Variants in SLC6A7 observed in about 807,000 individuals in gnomAD.
The protein encoded by SLC6A7 is sodium-dependent proline transporter.
In SLC6A7, 58 loss-of-function variants were observed where a neutral mutation model predicts 73.1. That is an observed-to-expected ratio of 0.79 (90% CI 0.64 to 0.99). SLC6A7 has a LOEUF of 0.99. SLC6A7 is among the 50% of genes least tolerant of loss of function. SLC6A7 has a pLI of 0.00. For missense variants in SLC6A7, 783 were observed against 831.4 expected, an observed-to-expected ratio of 0.94 and a Z score of 0.72; for synonymous variants, 338 against 338.7, an observed-to-expected ratio of 1.00 and a Z score of 0.02.
In SLC6A7 at chr5:150,196,702, C is replaced by G; in HGVS notation, c.218-14C>G. On this transcript the variant is annotated splice_polypyrimidine_tract_variant and intron_variant, in intron 2 of 13. Transcript: ENST00000230671. ...TGCCCCCAAGGCCCTTGCTGACCACCCCGCTCCCGGCAGGCGCCTTCCTCG... is the reference window on the plus strand; with the variant it reads ...TGCCCCCAAGGCCCTTGCTGACCACGCCGCTCCCGGCAGGCGCCTTCCTCG... The G allele has an allele frequency of 1.2e-6, 2 of 1,610,558 alleles. No individual in the cohort carries two copies. The highest frequency in any genetic ancestry group is 1.7e-6 in the Non-Finnish European group (2 of 1,178,118).
intron 4 of SLC6A7, among the ~76,000 whole-genome samples, chr5:150,198,117 G>GAAAGAAAGAA (rs1753166896): frequency 4.7e-4 from 27 of 57,562 alleles, no homozygotes; most frequent in African/African-American, 8.2e-4. Context: ...GAAAGAAAGA[G>GAAAGAAAGAA]AAAGAAAGAA....
rs1753896153 is a variant in SLC6A7, at chr5:150,210,008, C to T, written c.*393C>T. 2.0e-5 allele frequency: 5 copies of T among 247,482 alleles called. No homozygotes were observed. The highest frequency in any genetic ancestry group is 9.7e-5 in the Admixed American group (2 of 20,558). The allele number at this position is 247,482 out of a possible 1,614,324, so 15.3% of individuals were successfully genotyped here. A position where few individuals can be genotyped will look rare whatever the true frequency, so the allele number is the denominator to read the frequency against. ...ACCACCTTCTCATCTCTATTCAGGG[C>T]CTACACCCCTCCCTTTTTGGGGGGA... On this transcript the variant is annotated 3_prime_UTR_variant, in exon 14 of 14. Coordinates refer to ENST00000230671, the MANE Select transcript of SLC6A7 (RefSeq NM_014228.5).
intron 1 of SLC6A7, among the ~76,000 whole-genome samples, chr5:150,190,608 A>G (rs1752734775): frequency 1.3e-5 from 2 of 152,268 alleles, no homozygotes; most frequent in South Asian, 4.2e-4. Flanking sequence ...AGGCCTATGA[A>G]CAGGTGTCTG....
At chr5:150,198,224 C>A (rs1318272469) in intron 4 of SLC6A7, among the ~76,000 whole-genome samples, 1 of 152,192 alleles carries the variant, frequency 6.6e-6, no homozygotes, top group Non-Finnish European at 1.5e-5. Flanking sequence ...AGTCCTGATC[C>A]TGTTCTGGAA....
intron 12 of SLC6A7, among the ~76,000 whole-genome samples, 170 bp downstream of exon 12, chr5:150,205,097 T>A (rs1345959688): frequency 6.6e-6 from 1 of 152,242 alleles, no homozygotes; most frequent in Admixed American, 6.5e-5. Context: ...CTTCTGTAGC[T>A]GTGCTGGGCC....
In SLC6A7 at chr5:150,204,074, GGACAAGGGCAGACGCCTGCAACGA is replaced by G. The variant is rs147978225; in HGVS notation, c.1332+39_1332+62del. The stretch of plus-strand genomic sequence containing the variant: ...CTACAGGGAGGATGGCAGGTGGGCG[GGACAAGGGCAGACGCCTGCAACGA>G]GATCTCTGGCCCAGCTGAGCAGTTG... On this transcript the variant is annotated intron_variant, in intron 10 of 13. Coordinates refer to ENST00000230671, the MANE Select transcript of SLC6A7 (RefSeq NM_014228.5). 2,290 of 1,598,644 alleles carry G rather than the reference GGACAAGGGCAGACGCCTGCAACGA, an allele frequency of 1.4e-3. 32 individuals carry two copies. The African/African-American group carries it at 0.028, about 19-fold the overall frequency.
At position 150,204,057 on chromosome 5, in the gene SLC6A7, A is replaced by C; in HGVS notation, c.1332+19A>C. On this transcript the variant is annotated intron_variant, in intron 10 of 13. Transcript: ENST00000230671. ...CACTGATGTGAGTGGCGCTACAGGGAGGATGGCAGGTGGGCGGGACAAGGG... is the reference window on the plus strand; with the variant it reads ...CACTGATGTGAGTGGCGCTACAGGGCGGATGGCAGGTGGGCGGGACAAGGG... 6.2e-7 allele frequency: 1 copy of C among 1,609,072 alleles called. No homozygotes were observed. The highest frequency in any genetic ancestry group is 8.5e-7 in the Non-Finnish European group (1 of 1,177,500).
In SLC6A7 at chr5:150,190,103, A is replaced by T. The variant is rs982754940; in HGVS notation, c.-225A>T. 8.9e-6 allele frequency: 4 copies of T among 448,114 alleles called. No individual in the cohort carries two copies. Among genetic ancestry groups the T allele is most frequent in the Non-Finnish European group, 1.6e-5 (4 of 257,266 alleles). 27.8% of individuals were successfully genotyped at this position (448,114 alleles called of 1,614,324 possible). ...GGTGTCTATGCGGGCGCAGCAGTGC[A>T]CCCTTCCCCAGCCTCGGGCGCTGCG... On this transcript the variant is annotated 5_prime_UTR_variant, in exon 1 of 14. Transcript: ENST00000230671.
At chr5:150,203,525 C>G in intron 8 of SLC6A7, 142 bp from the exon 9 acceptor site, 2 of 592,962 alleles carry the variant, frequency 3.4e-6, no homozygotes, top group East Asian at 2.8e-5. Flanking sequence ...AAGGAAGTAT[C>G]AGAGGGTGCA....
chr5:150,201,335 G>A (rs890179543), intron 6 of SLC6A7, 112 bp downstream of exon 6: 15 of 589,332 alleles, frequency 2.5e-5, no homozygotes, highest in African/African-American at 1.4e-4. Context: ...CCCTTCTTGC[G>A]TCTTTTTTAT....
At position 150,204,852 on chromosome 5, in the gene SLC6A7, C is replaced by T. The variant is rs1219703311; in HGVS notation, c.1458C>T (p.Ile486=). The T allele has an allele frequency of 6.2e-7, 1 of 1,613,048 alleles. No individual in the cohort carries two copies. The highest frequency in any genetic ancestry group is 8.5e-7 in the Non-Finnish European group (1 of 1,179,196). Residue 486 remains isoleucine (I), a synonymous_variant, in exon 12 of 14, where the codon ATC becomes ATT. Transcript: ENST00000230671. ...VYGIQRFCRD[I]HMMLGFKPGL... The stretch of plus-strand genomic sequence containing the variant: ...GCATTCAGAGGTTCTGCCGAGACAT[C>T]CACATGATGCTGGGCTTCAAGCCGG...
intron 5 of SLC6A7, among the ~76,000 whole-genome samples, chr5:150,200,143 G>A (rs2113978067): frequency 6.6e-6 from 1 of 152,278 alleles, no homozygotes; most frequent in Middle Eastern, 3.4e-3. Context: ...GGAAGACAAA[G>A]CCACGGATGT....
In SLC6A7 at chr5:150,209,775, C is replaced by G; in HGVS notation, c.*160C>G. 1.6e-6 allele frequency: 1 copy of G among 643,962 alleles called. No homozygotes were observed. The highest frequency in any genetic ancestry group is 2.6e-5 in the Admixed American group (1 of 38,798). 39.9% of individuals were successfully genotyped at this position (643,962 alleles called of 1,614,324 possible). ...GTGGGGGTCCCTTCTGCAGCCTCTG[C>G]CTCTCCTGAAACCTCTGACAACCCC... is the stretch of plus-strand genomic sequence containing the variant. On this transcript the variant is annotated 3_prime_UTR_variant, in exon 14 of 14. Coordinates refer to ENST00000230671, the MANE Select transcript of SLC6A7 (RefSeq NM_014228.5).
rs1280401372 is a variant in SLC6A7 at position 150,196,718 on chromosome 5, G to A, written c.220G>A (p.Ala74Thr). The A allele has an allele frequency of 5.6e-6, 9 of 1,612,872 alleles. No homozygotes were observed. Among genetic ancestry groups the A allele is most frequent in the South Asian group, 2.2e-5 (2 of 90,886 alleles). The change falls in exon 3 of 14, where the codon GCC (alanine) becomes ACC (threonine). Residue 74 changes from alanine to threonine, a missense_variant and splice_region_variant. Coordinates refer to ENST00000230671, the MANE Select transcript of SLC6A7 (RefSeq NM_014228.5). ...GCTGACCACCCCGCTCCCGGCAGGC[G>A]CCTTCCTCGTGCCCTACTTCCTCAT... ...PYRAYTNGGGAFLVPYFLMLA... is the reference protein window; with the variant it reads ...PYRAYTNGGGTFLVPYFLMLA...
chr5:150,195,390 C>A (rs149332486), intron 2 of SLC6A7, among the ~76,000 whole-genome samples: 121 of 152,324 alleles, frequency 7.9e-4, no homozygotes, highest in African/African-American at 2.8e-3. Context: ...TCTCTCCCAT[C>A]TTAAACAAAT....
At chr5:150,208,785 C>A (rs931521800) in intron 13 of SLC6A7, among the ~76,000 whole-genome samples, 3 of 152,146 alleles carry the variant, frequency 2.0e-5, no homozygotes, top group African/African-American at 7.2e-5. Context: ...CTGGAATCTC[C>A]AGGCTTAGTC....
rs778925984 is a variant in SLC6A7 at position 150,204,921 on chromosome 5, G to A, written c.1527G>A (p.Thr509=). The change falls in exon 12 of 14, where the codon ACG becomes ACA. Residue 509 remains threonine (T), a synonymous_variant. Coordinates refer to ENST00000230671, the MANE Select transcript of SLC6A7 (RefSeq NM_014228.5). Reference sequence around the variant, plus strand: ...GCTGGCTGTTCCTGTCCCCAGCCACGCTCTTGGTAACTGGGGAGGGCGGGA... The same window carrying A: ...GCTGGCTGTTCCTGTCCCCAGCCACACTCTTGGTAACTGGGGAGGGCGGGA... ...RACWLFLSPA[T]LLALMVYSIV... The A allele has an allele frequency of 1.4e-5, 18 of 1,313,358 alleles. No homozygotes were observed. Among genetic ancestry groups the A allele is most frequent in the Non-Finnish European group, 1.7e-5 (15 of 907,964 alleles). The allele number at this position is 1,313,358 out of a possible 1,614,324, so 81.4% of individuals were successfully genotyped here. A position where few individuals can be genotyped will look rare whatever the true frequency, so the allele number is the denominator to read the frequency against.
chr5:150,198,049 GAGAAAGAAAGAAAGAAAGAA>G lies in SLC6A7; in HGVS notation c.584+821_584+840del, dbSNP rs1554115584. On this transcript the variant is annotated intron_variant, in intron 4 of 13. Transcript: ENST00000230671. ...TGCATTCTGCCTTTAAAAGAAGAAA[GAGAAAGAAAGAAAGAAAGAA>G]AGAAAGAAAGAAAGAAAGAAAGAAA... is the stretch of plus-strand genomic sequence containing the variant. 1.5e-3 allele frequency among the ~76,000 whole-genome samples: 153 copies of G among 103,644 alleles called. 3 individuals carry two copies. Among genetic ancestry groups the G allele is most frequent in the East Asian group, 5.1e-3 (20 of 3,930 alleles). 68.0% of individuals were successfully genotyped at this position (103,644 alleles called of 152,430 possible). A position where few individuals can be genotyped will look rare whatever the true frequency, so the allele number is the denominator to read the frequency against.
Position 150,191,721 on chromosome 5 carries a change from C to A in SLC6A7, c.33+1361C>A, listed in dbSNP as rs539440882. Among the ~76,000 whole-genome samples the A allele has an allele frequency of 3.9e-5, 6 of 152,182 alleles. No individual in the cohort carries two copies. In the South Asian group the frequency reaches 8.3e-4, roughly 21 times the overall value. On this transcript the variant is annotated intron_variant, in intron 1 of 13. Transcript: ENST00000230671. The stretch of plus-strand genomic sequence containing the variant: ...CTGGGATTACAGGTGTGAGTCACTG[C>A]GCCCAGCTGGTATGTCTTTTTTATT...
Sources: allele counts gnomAD v4.1 joint callset (sites outside exome capture counted in the v4.1 genomes callset), GRCh38; gene constraint gnomAD v4.1.1; transcripts MANE v1.5; gene names NCBI Gene and HGNC (gene_info 2026-07-23, HGNC 2026-07-21).